PCSK2: variants seen among roughly 807,000 people sequenced by gnomAD.
The protein encoded by PCSK2 is neuroendocrine convertase 2.
Under a neutral mutation model 69.7 loss-of-function variants are expected in PCSK2, and 14 were observed. That is an observed-to-expected ratio of 0.20 (90% CI 0.13 to 0.31). PCSK2 has a LOEUF of 0.31. Ranked by LOEUF, PCSK2 falls within the 10% of genes least tolerant of loss-of-function variation. The pLI is 1.00. For missense variants in PCSK2, 544 were observed against 842.5 expected, an observed-to-expected ratio of 0.65 and a Z score of 4.39; for synonymous variants, 307 against 320.7, an observed-to-expected ratio of 0.96 and a Z score of 0.46.
intron 1 of PCSK2, among the ~76,000 whole-genome samples, chr20:17,247,261 T>C (rs1054850128): frequency 5.3e-5 from 8 of 152,142 alleles, no homozygotes; most frequent in African/African-American, 1.9e-4. Flanking sequence ...AGAGATTGCA[T>C]GCAATTGAAG....
At chr20:17,390,394 G>A (rs2031342079) in intron 5 of PCSK2, among the ~76,000 whole-genome samples, 1 of 152,210 alleles carries the variant, frequency 6.6e-6, no homozygotes, top group Non-Finnish European at 1.5e-5. Context: ...ATATGCTACT[G>A]TAAATTATAC....
At chr20:17,375,804 A>G (rs2030908537) in intron 5 of PCSK2, among the ~76,000 whole-genome samples, 1 of 152,168 alleles carries the variant, frequency 6.6e-6, no homozygotes, top group Admixed American at 6.5e-5. Flanking sequence ...AGCTTTTCCA[A>G]GAATTCTTGA....
intron 8 of PCSK2, among the ~76,000 whole-genome samples, chr20:17,452,759 C>T (rs2032851528): frequency 6.6e-6 from 1 of 152,212 alleles, no homozygotes; most frequent in African/African-American, 2.4e-5. Flanking sequence ...CAGCCCCAGG[C>T]CCCATTGCCT....
At chr20:17,267,423 T>G (rs1375174317) in intron 2 of PCSK2, among the ~76,000 whole-genome samples, 1 of 152,196 alleles carries the variant, frequency 6.6e-6, no homozygotes, top group Non-Finnish European at 1.5e-5. Flanking sequence ...TCTTCATGGA[T>G]GCCCCAACCT....
intron 8 of PCSK2, among the ~76,000 whole-genome samples, chr20:17,451,831 A>ACAT (rs549348336): frequency 5.7e-4 from 86 of 152,066 alleles, no homozygotes; most frequent in African/African-American, 2.1e-3. Flanking sequence ...CTAGCAGTCT[A>ACAT]CATATGGACT....
At chr20:17,389,223 C>T (rs1167598228) in intron 5 of PCSK2, among the ~76,000 whole-genome samples, 3 of 152,020 alleles carry the variant, frequency 2.0e-5, no homozygotes, top group East Asian at 3.8e-4. Context: ...ATACCGTCTA[C>T]CCCTAAAATC....
intron 2 of PCSK2, among the ~76,000 whole-genome samples, chr20:17,284,576 C>T (rs58686932): frequency 1.2e-4 from 19 of 152,310 alleles, no homozygotes; most frequent in African/African-American, 4.6e-4. Flanking sequence ...ACACTTAATT[C>T]CATAAAATAG....
rs1387186467 is a variant in PCSK2 at position 17,482,026 on chromosome 20, G to A, written c.1873G>A (p.Glu625Lys). ...KKEELEEELD[E>K]AVERSLKSIL... ...AGAGGAGCTGGAGGAAGAGCTGGAC[G>A]AAGCCGTGGAGAGAAGCCTGAAAAG... The change falls in exon 12 of 12, where the codon GAA (glutamate) becomes AAA (lysine). Residue 625 changes from glutamate to lysine, a missense_variant. Glu to Lys is a moderately conservative substitution (Grantham distance 56, BLOSUM62 1). Transcript: ENST00000262545. 1.9e-6 allele frequency: 3 copies of A among 1,609,284 alleles called. No homozygotes were observed. The highest frequency in any genetic ancestry group is 2.5e-6 in the Non-Finnish European group (3 of 1,178,598).
At chr20:17,337,075 C>T (rs1041066450) in intron 2 of PCSK2, among the ~76,000 whole-genome samples, 22 of 113,738 alleles carry the variant, frequency 1.9e-4, no homozygotes, top group Middle Eastern at 4.5e-3. Context: ...TTAACTTCTC[C>T]GAAAGAAAAA....
chr20:17,475,347 G>A (rs1445278563), intron 11 of PCSK2, among the ~76,000 whole-genome samples: 1 of 151,874 alleles, frequency 6.6e-6, no homozygotes, highest in African/African-American at 2.4e-5. Context: ...AAGGGGATCT[G>A]AATGAGGCAC....
At chr20:17,374,760 A>G (rs1186255848) in intron 5 of PCSK2, among the ~76,000 whole-genome samples, 1 of 152,038 alleles carries the variant, frequency 6.6e-6, no homozygotes, top group Non-Finnish European at 1.5e-5. Flanking sequence ...TTACCCACAA[A>G]CTCCTGTCAA....
intron 5 of PCSK2, among the ~76,000 whole-genome samples, chr20:17,402,839 C>A (rs1447336054): frequency 1.3e-5 from 2 of 152,074 alleles, no homozygotes; most frequent in African/African-American, 4.8e-5. Flanking sequence ...CTCCTGTAGT[C>A]CCAGCTACTC....
At chr20:17,346,660 G>A (rs6044748) in intron 2 of PCSK2, among the ~76,000 whole-genome samples, 1 of 152,198 alleles carries the variant, frequency 6.6e-6, no homozygotes. Flanking sequence ...ACAGCATTTA[G>A]GGACTTTCTA....
chr20:17,375,178 C>T (rs985645586), intron 5 of PCSK2, among the ~76,000 whole-genome samples: 9 of 152,090 alleles, frequency 5.9e-5, no homozygotes, highest in Non-Finnish European at 1.0e-4. Flanking sequence ...GAGGTTACAA[C>T]GTTGCACAAT....
chr20:17,379,425 A>G (rs1051524809), intron 5 of PCSK2, among the ~76,000 whole-genome samples: 2 of 152,264 alleles, frequency 1.3e-5, no homozygotes, highest in Admixed American at 6.5e-5. Context: ...AACAATGCCC[A>G]GGCCTCAATT....
chr20:17,360,603 C>T lies in PCSK2; in HGVS notation c.468C>T (p.Tyr156=). The stretch of plus-strand genomic sequence containing the variant: ...TGGCTGAAGCCTGGGAGCTGGGATA[C>T]ACAGGGAAAGGTGTTACCATTGGAA... ...LNVAEAWELG[Y]TGKGVTIGIM... Residue 156 remains tyrosine (Y), a synonymous_variant, in exon 4 of 12, where the codon TAC becomes TAT. Transcript: ENST00000262545. 6.2e-7 allele frequency: 1 copy of T among 1,611,910 alleles called. No individual in the cohort carries two copies. Among genetic ancestry groups the T allele is most frequent in the South Asian group, 1.1e-5 (1 of 90,908 alleles).
intron 2 of PCSK2, among the ~76,000 whole-genome samples, chr20:17,351,940 C>G (rs1027502487): frequency 6.6e-6 from 1 of 152,058 alleles, no homozygotes; most frequent in Non-Finnish European, 1.5e-5. Flanking sequence ...GATTCTATAC[C>G]TAGAAAACCC....
rs1286408590 is a variant in PCSK2, at chr20:17,453,725, T to A, written c.886-17T>A. 1 of 1,611,058 alleles carries A rather than the reference T, an allele frequency of 6.2e-7. No homozygotes were observed. Among genetic ancestry groups the A allele is most frequent in the South Asian group, 1.1e-5 (1 of 91,048 alleles). ...CCAGGCTGTGGGTAGCGGCAGCGTCTCCCCTGCTCTCCCCAGGGCCGCGGC... is the reference window on the plus strand; with the variant it reads ...CCAGGCTGTGGGTAGCGGCAGCGTCACCCCTGCTCTCCCCAGGGCCGCGGC... On this transcript the variant is annotated splice_polypyrimidine_tract_variant and intron_variant, in intron 8 of 11. Coordinates refer to ENST00000262545, the MANE Select transcript of PCSK2 (RefSeq NM_002594.5). The surrounding 1 kb of genome is among the most constrained non-coding windows in gnomAD (Gnocchi z 4.0).
At chr20:17,345,571 T>A (rs533606426) in intron 2 of PCSK2, among the ~76,000 whole-genome samples, 1 of 152,260 alleles carries the variant, frequency 6.6e-6, no homozygotes, top group African/African-American at 2.4e-5. Flanking sequence ...TTCCAAAAAA[T>A]TTATTTACAA....
Sources: gnomAD v4.1 joint callset for allele counts (sites outside exome capture counted in the v4.1 genomes callset) on GRCh38, gnomAD v4.1.1 for gene constraint, Gnocchi (gnomAD v3.1) non-coding constraint, MANE v1.5 for transcripts, NCBI Gene and HGNC (gene_info 2026-07-23, HGNC 2026-07-21) for gene names.